TRIP11: variants seen among roughly 807,000 people sequenced by gnomAD.
TRIP11 encodes the protein thyroid hormone receptor interactor 11, also known as thyroid receptor-interacting protein 11.
In TRIP11, 148 loss-of-function variants were observed where a neutral mutation model predicts 223.1. That is an observed-to-expected ratio of 0.66 (90% CI 0.58 to 0.76). The LOEUF (loss-of-function observed/expected upper bound fraction) is 0.76. Ranked by LOEUF, TRIP11 falls within the 30% of genes least tolerant of loss-of-function variation. The pLI is 0.00. For synonymous variants in TRIP11, 762 were observed against 772.6 expected (o/e 0.99, Z 0.23); for missense variants, 2,043 against 2,222.0 (o/e 0.92, Z 1.62).
intron 13 of TRIP11, among the ~76,000 whole-genome samples, chr14:91,998,346 A>G (rs2056776781): frequency 6.6e-6 from 1 of 152,188 alleles, no homozygotes; most frequent in South Asian, 2.1e-4. Flanking sequence ...ACAAAAATAC[A>G]TGTCTTGGGA....
intron 5 of TRIP11, 65 bp downstream of exon 5, chr14:92,017,617 G>T: frequency 8.2e-7 from 1 of 1,213,470 alleles, no homozygotes; most frequent in Non-Finnish European, 1.2e-6. Context: ...ACTAATTCAG[G>T]CCTATGCTTT....
chr14:91,993,996 C>A, intron 14 of TRIP11, 84 bp from the exon 15 acceptor site: 1 of 1,010,264 alleles, frequency 9.9e-7, no homozygotes. Flanking sequence ...TTTAATAATC[C>A]AACGAAAACA....
At chr14:91,990,741 T>C (rs1000187551) in intron 15 of TRIP11, among the ~76,000 whole-genome samples, 2 of 152,016 alleles carry the variant, frequency 1.3e-5, no homozygotes, top group Admixed American at 1.3e-4. Context: ...TTTTGTGAGG[T>C]CAAGACAGGA....
Position 92,007,839 on chromosome 14 carries a change from A to G in TRIP11, c.1328T>C (p.Met443Thr). ...TTCATTGTTCAATTTTAAAAGTGAC[A>G]TCTGAAGTTCTTCCTGAAATGATAA... ...LLSQEKEELQ[M>T]SLLKLNNEYE... The change falls in exon 10 of 21, where the codon ATG (methionine) becomes ACG (threonine). Residue 443 changes from methionine (M) to threonine (T), a missense_variant. Physicochemically the swap from Met to Thr is moderately conservative, Grantham distance 81. Transcript: ENST00000267622. The G allele has an allele frequency of 6.2e-7, 1 of 1,608,782 alleles. No individual in the cohort carries two copies. The highest frequency in any genetic ancestry group is 8.5e-7 in the Non-Finnish European group (1 of 1,177,328).
In TRIP11 at chr14:91,978,504, T is replaced by C. The variant is rs928681898; in HGVS notation, c.5261-2315A>G. Among the ~76,000 whole-genome samples, 9 of 152,184 alleles carry C rather than the reference T, an allele frequency of 5.9e-5. No homozygotes were observed. Among genetic ancestry groups the C allele is most frequent in the African/African-American group, 2.2e-4 (9 of 41,438 alleles). On this transcript the variant is annotated intron_variant, in intron 16 of 20. Transcript: ENST00000267622. This position sits in a 1 kb window ranked among gnomAD's most constrained non-coding sequence, Gnocchi z 4.4. Reference sequence around the variant, plus strand: ...GTTATACTGGGTTATATATAAAATATATATGTGTGTATATATATTTGAGAC... The same window carrying C: ...GTTATACTGGGTTATATATAAAATACATATGTGTGTATATATATTTGAGAC...
chr14:92,039,404 G>A, intron 1 of TRIP11, 143 bp downstream of exon 1: 2 of 821,980 alleles, frequency 2.4e-6, no homozygotes, highest in East Asian at 2.7e-5. Flanking sequence ...TTGAGAAGAG[G>A]CAAGAGGAGG....
intron 13 of TRIP11, 36 bp downstream of exon 13, chr14:91,999,204 T>G (rs2056789186): frequency 6.3e-7 from 1 of 1,599,862 alleles, no homozygotes; most frequent in South Asian, 1.1e-5. Flanking sequence ...TAAGAAGTGT[T>G]CAGTTAAAGT....
At chr14:92,012,713 G>A (rs1369945542) in intron 7 of TRIP11, among the ~76,000 whole-genome samples, 1 of 152,116 alleles carries the variant, frequency 6.6e-6, no homozygotes, top group Admixed American at 6.5e-5. Flanking sequence ...CTGCTTTAAG[G>A]AGCTATAGAA....
Position 91,969,697 on chromosome 14 carries a change from C to G in TRIP11, c.5916G>C (p.Val1972=). The G allele has an allele frequency of 6.2e-7, 1 of 1,612,596 alleles. No individual in the cohort carries two copies. Among genetic ancestry groups the G allele is most frequent in the Non-Finnish European group, 8.5e-7 (1 of 1,180,028 alleles). ...TCTATTGCTTTAAAAGGTCTTTCAGCACAACCCCAGCACTGTTGTCAGGTA... is the reference window on the plus strand; with the variant it reads ...TCTATTGCTTTAAAAGGTCTTTCAGGACAACCCCAGCACTGTTGTCAGGTA... ...PALPDNSAGV[V]LKDLLKQ The change falls in exon 21 of 21, where the codon GTG becomes GTC. Residue 1972 remains valine (V), a synonymous_variant. Transcript: ENST00000267622.
At chr14:92,028,685 T>C (rs2057220569) in intron 2 of TRIP11, among the ~76,000 whole-genome samples, 1 of 152,128 alleles carries the variant, frequency 6.6e-6, no homozygotes, top group Non-Finnish European at 1.5e-5. Context: ...AGGGGGCTGG[T>C]CTGAAAGGAG....
chr14:92,029,666 T>C (rs2057238984), intron 2 of TRIP11, among the ~76,000 whole-genome samples: 1 of 152,114 alleles, frequency 6.6e-6, no homozygotes, highest in Admixed American at 6.5e-5. Flanking sequence ...CTTTTTGTAG[T>C]TTTGTTTTTT....
intron 9 of TRIP11, among the ~76,000 whole-genome samples, chr14:92,009,297 G>C (rs1313009428): frequency 6.6e-6 from 1 of 152,186 alleles, no homozygotes; most frequent in African/African-American, 2.4e-5. Context: ...GCCTCCCAAA[G>C]TGCTGAGATT....
At chr14:91,973,243 C>A (rs566966187) in intron 19 of TRIP11, among the ~76,000 whole-genome samples, 1 of 152,130 alleles carries the variant, frequency 6.6e-6, no homozygotes, top group South Asian at 2.1e-4. Flanking sequence ...TTAGGCTGGT[C>A]TCAAACTCCT....
At chr14:91,991,243 T>C (rs115359159) in intron 15 of TRIP11, among the ~76,000 whole-genome samples, 2,618 of 152,284 alleles carry the variant, frequency 0.017, 67 homozygotes, top group African/African-American at 0.052. Context: ...CTCCCTCTTG[T>C]TCTCTCACCT....
At chr14:92,039,435 G>C (rs897570112) in intron 1 of TRIP11, 112 bp downstream of exon 1, 4 of 1,157,208 alleles carry the variant, frequency 3.5e-6, no homozygotes, top group Admixed American at 4.3e-5. Context: ...AAAAAGGGAG[G>C]AGCAGCATTC....
chr14:91,980,699 A>C (rs1013845503), intron 16 of TRIP11, among the ~76,000 whole-genome samples: 5 of 151,954 alleles, frequency 3.3e-5, no homozygotes, highest in Non-Finnish European at 7.4e-5. Flanking sequence ...TCCATTTTGC[A>C]TGTTTGTCAT....
chr14:92,003,955 A>G lies in TRIP11; in HGVS notation c.4021T>C (p.Ser1341Pro). 6.2e-7 allele frequency: 1 copy of G among 1,614,196 alleles called. No homozygotes were observed. Among genetic ancestry groups the G allele is most frequent in the African/African-American group, 1.3e-5 (1 of 75,062 alleles). Residue 1341 changes from serine to proline, a missense_variant, in exon 11 of 21, where the codon TCT (serine) becomes CCT (proline). By Grantham distance (74) the Ser-to-Pro change is moderately conservative. Coordinates refer to ENST00000267622, the MANE Select transcript of TRIP11 (RefSeq NM_004239.4). ...RASKSEVLSESSELLQQELEE... is the reference protein window; with the variant it reads ...RASKSEVLSEPSELLQQELEE... ...AACTCTTGCTGAAGCAATTCAGAAG[A>G]TTCACTCAATACTTCAGACTTACTT...
intron 2 of TRIP11, among the ~76,000 whole-genome samples, chr14:92,027,429 C>G (rs532957104): frequency 4.6e-5 from 7 of 151,932 alleles, no homozygotes; most frequent in Non-Finnish European, 7.4e-5. Context: ...GTTAAAAAGG[C>G]CAAAAATAAA....
chr14:92,007,313 T>G (rs544854688), intron 10 of TRIP11, among the ~76,000 whole-genome samples: 16 of 152,316 alleles, frequency 1.1e-4, no homozygotes, highest in African/African-American at 3.8e-4. Context: ...CATGAGCCAC[T>G]GCGCCCGGCA....
Sources: allele counts gnomAD v4.1 joint callset (sites outside exome capture counted in the v4.1 genomes callset), GRCh38; gene constraint gnomAD v4.1.1; non-coding constraint Gnocchi (gnomAD v3.1); transcripts MANE v1.5; gene names NCBI Gene and HGNC (gene_info 2026-07-23, HGNC 2026-07-21).